Variants in CDK11A observed in about 807,000 individuals in gnomAD.
CDK11A encodes the protein cyclin dependent kinase 11A, also known as cyclin-dependent kinase 11A.
Under a neutral mutation model 83.6 loss-of-function variants are expected in CDK11A, and 55 were observed. The observed-to-expected ratio is 0.66, with a 90% confidence interval of 0.53 to 0.82. The LOEUF is 0.82. Among genes scored for constraint, CDK11A ranks in the 40% least tolerant of loss-of-function variants. The pLI is 0.00. For missense variants in CDK11A, 564 were observed against 810.1 expected (o/e 0.70, Z 3.69); for synonymous variants, 247 against 302.7 (o/e 0.82, Z 1.91).
chr1:1,703,674 G>C, intron 17 of CDK11A, 50 bp from the exon 18 acceptor site: 1 of 1,560,728 alleles, frequency 6.4e-7, no homozygotes, highest in South Asian at 1.2e-5. Context: ...CCACAGTGTT[G>C]GCACCTGTGT....
intron 4 of CDK11A, 109 bp from the exon 5 acceptor site, chr1:1,716,587 GT>G: frequency 1.7e-6 from 2 of 1,161,314 alleles, no homozygotes; most frequent in Non-Finnish European, 2.5e-6. Context: ...GCCGAGGCGG[GT>G]GGATCACCTG....
chr1:1,723,947 AC>A lies in CDK11A; in HGVS notation c.-14+310del, dbSNP rs902380485. ...AGCCACTAGCACACTGGACAGCTGC[AC>A]CTTGAGACCGGGGAGATGCTCCGAG... is the stretch of plus-strand genomic sequence containing the variant. On this transcript the variant is annotated intron_variant, in intron 1 of 19. Transcript: ENST00000404249. The A allele has an allele frequency of 1.2e-4, 16 of 137,680 alleles. No individual in the cohort carries two copies. In the East Asian group the frequency reaches 2.6e-3, roughly 23 times the overall value. The allele number at this position is 137,680 out of a possible 1,614,324, so 8.5% of individuals were successfully genotyped here. A position where few individuals can be genotyped will look rare whatever the true frequency, so the allele number is the denominator to read the frequency against.
At chr1:1,712,210 AG>A in intron 6 of CDK11A, 53 bp downstream of exon 6, 1 of 1,399,294 alleles carries the variant, frequency 7.1e-7, no homozygotes. Flanking sequence ...GCCCAGCACC[AG>A]GGGGCAGCAG....
At chr1:1,705,200 G>A (rs1367463262) in intron 12 of CDK11A, among the ~76,000 whole-genome samples, 175 bp from the exon 13 acceptor site, 1 of 124,362 alleles carries the variant, frequency 8.0e-6, no homozygotes, top group Non-Finnish European at 1.5e-5. Context: ...TGAGGTCTCG[G>A]CAACACCCAC....
intron 11 of CDK11A, among the ~76,000 whole-genome samples, chr1:1,706,679 C>T (rs1447598891): frequency 1.3e-5 from 2 of 151,414 alleles, no homozygotes; most frequent in Admixed American, 6.6e-5. Flanking sequence ...ACCTACCCCT[C>T]GGTGTACCTT....
rs1433331457 is a variant in CDK11A at position 1,707,390 on chromosome 1, G to A, written c.1245+19C>T. ...ACTGCCAATGCGGACAGCGGCCCGG[G>A]GCGAGGGGAGGGCCTGACCTGCAGG... On this transcript the variant is annotated intron_variant, in intron 11 of 19. Coordinates refer to ENST00000404249, the MANE Select transcript of CDK11A (RefSeq NM_024011.4). 4.4e-6 allele frequency: 7 copies of A among 1,605,080 alleles called. 1 individual carries two copies. The highest frequency in any genetic ancestry group is 6.0e-6 in the Non-Finnish European group (7 of 1,174,662).
chr1:1,703,971 C>T (rs757002419), intron 16 of CDK11A, 31 bp from the exon 17 acceptor site: 2 of 1,608,258 alleles, frequency 1.2e-6, no homozygotes, highest in African/African-American at 2.7e-5. Flanking sequence ...TTCAGGAAGG[C>T]CAGTGCCCGC....
rs1274179044 is a variant in CDK11A at position 1,716,430 on chromosome 1, T to C, written c.404A>G (p.His135Arg). 6.2e-7 allele frequency: 1 copy of C among 1,608,662 alleles called. No homozygotes were observed. The highest frequency in any genetic ancestry group is 2.2e-5 in the East Asian group (1 of 44,808). ...GCGAGCTTTATCCTGTTCTTCTCGATGTCGTTTCCGACGTTCGTGCTCTCT... is the reference window on the plus strand; with the variant it reads ...GCGAGCTTTATCCTGTTCTTCTCGACGTCGTTTCCGACGTTCGTGCTCTCT... The part of the protein sequence containing the change: ...KEREHERRKR[H>R]REEQDKARRE... The change falls in exon 5 of 20, where the codon CAT becomes CGT. Residue 135 changes from histidine to arginine, a missense_variant. His to Arg is a conservative substitution (Grantham distance 29). Coordinates refer to ENST00000404249, the MANE Select transcript of CDK11A (RefSeq NM_024011.4).
In CDK11A at chr1:1,713,772, C is replaced by T. The variant is rs1644550157; in HGVS notation, c.489-1372G>A. Among the ~76,000 whole-genome samples the T allele has an allele frequency of 4.5e-5, 3 of 67,034 alleles. 1 individual carries two copies. Among genetic ancestry groups the T allele is most frequent in the African/African-American group, 1.0e-4 (3 of 29,100 alleles). 44.0% of individuals were successfully genotyped at this position (67,034 alleles called of 152,430 possible). A position where few individuals can be genotyped will look rare whatever the true frequency, so the allele number is the denominator to read the frequency against. ...TTGCTATCTGCAGTGCCTGTCCTTC[C>T]TTCCTGAGGATTCAAGTTACCGTCT... On this transcript the variant is annotated intron_variant, in intron 5 of 19. Coordinates refer to ENST00000404249, the MANE Select transcript of CDK11A (RefSeq NM_024011.4).
chr1:1,708,113 CT>C (rs1393843311), intron 10 of CDK11A, 66 bp downstream of exon 10: 1 of 1,585,868 alleles, frequency 6.3e-7, no homozygotes. Flanking sequence ...GACCGGCTGT[CT>C]TAGGAGAGGG....
At position 1,703,913 on chromosome 1, in the gene CDK11A, A is replaced by T; in HGVS notation, c.1822T>A (p.Ser608Thr). The T allele has an allele frequency of 6.2e-7, 1 of 1,609,670 alleles. No homozygotes were observed. The highest frequency in any genetic ancestry group is 1.7e-5 in the Admixed American group (1 of 59,818). ...KEYSTAVDMW[S>T]VGCIFGELLT... ...AGCTCCCCGAAGATGCAGCCCACTG[A>T]CCACATGTCCACGGCCGTGGAGTAT... The change falls in exon 17 of 20, where the codon TCA (serine) becomes ACA (threonine). Residue 608 changes from serine (S) to threonine (T), a missense_variant. Coordinates refer to ENST00000404249, the MANE Select transcript of CDK11A (RefSeq NM_024011.4).
intron 5 of CDK11A, among the ~76,000 whole-genome samples, chr1:1,715,332 TG>T (rs1644596098): frequency 7.9e-6 from 1 of 126,998 alleles, no homozygotes; most frequent in African/African-American, 2.7e-5. Flanking sequence ...CCCAGAAGTC[TG>T]CCCCCAACAA....
Position 1,708,095 on chromosome 1 carries a change from C to G in CDK11A, c.1069+85G>C, listed in dbSNP as rs139504991. 2.4e-3 allele frequency: 3,739 copies of G among 1,589,708 alleles called. 113 individuals are homozygous for G. The African/African-American group carries it at 0.044, about 19-fold the overall frequency. ...CTCCCAGACCCTGGCGTGCCCCACGCCGCGCAGGACCGGCTGTCTTAGGAG... is the reference window on the plus strand; with the variant it reads ...CTCCCAGACCCTGGCGTGCCCCACGGCGCGCAGGACCGGCTGTCTTAGGAG... On this transcript the variant is annotated intron_variant, in intron 10 of 19. Coordinates refer to ENST00000404249, the MANE Select transcript of CDK11A (RefSeq NM_024011.4).
chr1:1,703,346 C>G, intron 18 of CDK11A, 77 bp from the exon 19 acceptor site: 2 of 766,716 alleles, frequency 2.6e-6, no homozygotes, highest in East Asian at 5.8e-5. Context: ...TGTGTTGGGA[C>G]GGGGCTCAGG....
chr1:1,703,863 G>T lies in CDK11A; in HGVS notation c.1872C>A (p.Pro624=). 1 of 1,609,716 alleles carries T rather than the reference G, an allele frequency of 6.2e-7. No individual in the cohort carries two copies. The highest frequency in any genetic ancestry group is 8.5e-7 in the Non-Finnish European group (1 of 1,176,974). Reference sequence around the variant, plus strand: ...TGATCTGATCGATTTCCGAATTCCCGGGGAACAGAGGCTTCTGAGTCAGCA... The same window carrying T: ...TGATCTGATCGATTTCCGAATTCCCTGGGAACAGAGGCTTCTGAGTCAGCA... ...GELLTQKPLF[P]GNSEIDQINK... Residue 624 remains proline, a synonymous_variant, in exon 17 of 20, where the codon CCC becomes CCA. Coordinates refer to ENST00000404249, the MANE Select transcript of CDK11A (RefSeq NM_024011.4).
chr1:1,704,979 C>G lies in CDK11A; in HGVS notation c.1383G>C (p.Glu461Asp), dbSNP rs1383590192. 68 of 1,598,184 alleles carry G rather than the reference C, an allele frequency of 4.3e-5. 1 individual carries two copies. The highest frequency in any genetic ancestry group is 5.7e-5 in the Non-Finnish European group (67 of 1,173,440). The change falls in exon 13 of 20, where the codon GAG becomes GAC. Residue 461 changes from glutamate to aspartate, a missense_variant. Glu to Asp is a conservative substitution (Grantham distance 45, BLOSUM62 2). Around this residue, in one of 5 missense-constraint regions of CDK11A, gnomAD observed 361 missense variants for 402.7 expected, o/e 0.90. Coordinates refer to ENST00000404249, the MANE Select transcript of CDK11A (RefSeq NM_024011.4). Reference protein sequence around the residue: ...LKRLKMEKEKEGFPITSLREI... With the variant: ...LKRLKMEKEKDGFPITSLREI... ...CCCTCAGGGACGTGATCGGGAAGCC[C>G]TCCTTCTCCTTCTCCATCTTCAGCC... is the stretch of plus-strand genomic sequence containing the variant.
intron 5 of CDK11A, among the ~76,000 whole-genome samples, chr1:1,714,806 C>T (rs1271671104): frequency 7.3e-6 from 1 of 137,862 alleles, no homozygotes; most frequent in African/African-American, 2.6e-5. Context: ...TCCTTTCACG[C>T]AGCTGCATCC....
rs1227718524 is a variant in CDK11A at position 1,722,726 on chromosome 1, C to T, written c.93G>A (p.Glu31=). The T allele has an allele frequency of 2.6e-6, 4 of 1,540,582 alleles. 1 individual carries two copies. The highest frequency in any genetic ancestry group is 3.5e-6 in the Non-Finnish European group (4 of 1,142,338). Residue 31 remains glutamate (E), a synonymous_variant, in exon 2 of 20, where the codon GAG becomes GAA. Coordinates refer to ENST00000404249, the MANE Select transcript of CDK11A (RefSeq NM_024011.4). ...KRRKEQEEKA[E]IKRLKNSDDR... ...GGCTTACATTTTTTAAGCGTTTTATCTCTGCTTTCTCCTCTTGTTCCTTCC... is the reference window on the plus strand; with the variant it reads ...GGCTTACATTTTTTAAGCGTTTTATTTCTGCTTTCTCCTCTTGTTCCTTCC...
intron 5 of CDK11A, 148 bp downstream of exon 5, chr1:1,716,198 A>G: frequency 1.3e-6 from 1 of 743,754 alleles, no homozygotes; most frequent in East Asian, 2.8e-5. Context: ...TCTCTTGGTC[A>G]GCCTCGTCCA....
Sources: allele counts gnomAD v4.1 joint callset (sites outside exome capture counted in the v4.1 genomes callset), GRCh38; gene constraint gnomAD v4.1.1; regional missense constraint gnomAD v4.1.1; transcripts MANE v1.5; gene names NCBI Gene and HGNC (gene_info 2026-07-23, HGNC 2026-07-21).